Variants in CLN8 observed in about 807,000 individuals in gnomAD.
CLN8 encodes CLN8 transmembrane ER and ERGIC protein.
Under a neutral mutation model 15.7 loss-of-function variants are expected in CLN8, and 14 were observed. The ratio of observed to expected loss-of-function variants is 0.89; its 90% confidence interval spans 0.59 to 1.39. The LOEUF is 1.39. Ranked by LOEUF, CLN8 falls within the 40% of genes most tolerant of loss-of-function variation. The pLI is 0.00. For synonymous variants in CLN8, 188 were observed against 151.0 expected, an observed-to-expected ratio of 1.25 and a Z score of -1.80; for missense variants, 415 against 364.0, an observed-to-expected ratio of 1.14 and a Z score of -1.14.
upstream of CLN8, among the ~76,000 whole-genome samples, chr8:1,761,012 CTTTTTTTT>C (rs61327257): frequency 1.2e-4 from 8 of 67,562 alleles, no homozygotes; most frequent in Admixed American, 2.1e-4. Context: ...CTATAGCCAT[CTTTTTTTT>C]TTTTTTTTTT....
intron 1 of CLN8, among the ~76,000 whole-genome samples, chr8:1,756,415 C>T (rs1800670871): frequency 6.7e-6 from 1 of 148,884 alleles, no homozygotes; most frequent in Non-Finnish European, 1.5e-5. Flanking sequence ...ACTCAGGAGG[C>T]AGAGGTTGCA....
chr8:1,763,317 A>T (rs1169958753), upstream of CLN8: 2 of 62,354 alleles, frequency 3.2e-5, no homozygotes, highest in East Asian at 8.1e-4. Context: ...GCCGCCCGCC[A>T]TGGTTCAGCC....
At chr8:1,759,038 C>G (rs1169010449), upstream of CLN8, 1 of 152,166 alleles carries the variant, frequency 6.6e-6, no homozygotes, top group Non-Finnish European at 1.5e-5. Context: ...AGGGCCTGCT[C>G]TCTATCATGT....
chr8:1,771,739 C>A, intron 2 of CLN8, 142 bp downstream of exon 2: 1 of 771,748 alleles, frequency 1.3e-6, no homozygotes, highest in Non-Finnish European at 2.2e-6. Flanking sequence ...TAGTTGAATG[C>A]AATATTCTGG....
chr8:1,760,264 T>G (rs575040619), upstream of CLN8: 1 of 152,198 alleles, frequency 6.6e-6, no homozygotes, highest in Non-Finnish European at 1.5e-5. Context: ...TCAAAGTGCT[T>G]AGCCTGACGC....
intron 1 of CLN8, among the ~76,000 whole-genome samples, chr8:1,766,756 C>G (rs1378973000): frequency 1.3e-5 from 2 of 152,200 alleles, no homozygotes; most frequent in Non-Finnish European, 2.9e-5. Context: ...CACTTAAGGA[C>G]TCCTTCATGT....
chr8:1,772,614 C>T (rs1478995501), intron 2 of CLN8, among the ~76,000 whole-genome samples: 5 of 151,578 alleles, frequency 3.3e-5, no homozygotes, highest in Admixed American at 6.6e-5. Flanking sequence ...CCCACCACCA[C>T]GCCTAGCTAA....
rs186663008 is a variant in CLN8 at position 1,775,865 on chromosome 8, G to C, written c.543+4268G>C. Among the ~76,000 whole-genome samples, 95 of 152,358 alleles carry C rather than the reference G, an allele frequency of 6.2e-4. 1 individual carries two copies. The East Asian group carries it at 0.014, about 23-fold the overall frequency. ...CTCTTGAGGAGCAATGAGCACTCTT[G>C]CAGGCCCTGTGCCAGGTGCCGGGTC... On this transcript the variant is annotated intron_variant, in intron 2 of 2. Coordinates refer to ENST00000331222, the MANE Select transcript of CLN8 (RefSeq NM_018941.4).
rs140202921 is a variant in CLN8 at position 1,776,031 on chromosome 8, G to A, written c.544-4219G>A. On this transcript the variant is annotated intron_variant, in intron 2 of 2. Coordinates refer to ENST00000331222, the MANE Select transcript of CLN8 (RefSeq NM_018941.4). The stretch of plus-strand genomic sequence containing the variant: ...TGTGTGGTGGTGCTCCAGCACACAC[G>A]ATAGAAGATTCTGCAAGCTGAGTCT... Among the ~76,000 whole-genome samples, 405 of 151,632 alleles carry A rather than the reference G, an allele frequency of 2.7e-3. 1 individual carries two copies. The highest frequency in any genetic ancestry group is 0.024 in the Middle Eastern group (7 of 290).
At chr8:1,753,347 G>T (rs966103383), upstream of CLN8, among the ~76,000 whole-genome samples, 1 of 152,074 alleles carries the variant, frequency 6.6e-6, no homozygotes, top group Non-Finnish European at 1.5e-5. Flanking sequence ...GAGGTGGGCA[G>T]ATCACCTGAG....
rs1801752718 is a variant in CLN8, at chr8:1,783,318, G to A, written c.*2751G>A. On this transcript the variant is annotated 3_prime_UTR_variant, in exon 3 of 3. Coordinates refer to ENST00000331222, the MANE Select transcript of CLN8 (RefSeq NM_018941.4). ...AGAGTTACAGCAAGTGTTAAACGAG[G>A]TGAGTTCACATAACAGGAATTCTGG... The A allele has an allele frequency of 6.6e-6, 1 of 152,258 alleles. No individual in the cohort carries two copies. Among genetic ancestry groups the A allele is most frequent in the South Asian group, 2.1e-4 (1 of 4,832 alleles). 9.4% of individuals were successfully genotyped at this position (152,258 alleles called of 1,614,324 possible).
intron 2 of CLN8, among the ~76,000 whole-genome samples, chr8:1,777,453 A>G (rs1020480969): frequency 2.0e-5 from 3 of 152,184 alleles, no homozygotes; most frequent in South Asian, 2.1e-4. Context: ...TTCTTTAATC[A>G]TAAAGTAACC....
In CLN8 at chr8:1,771,318, C is replaced by T. The variant is rs1801293988; in HGVS notation, c.264C>T (p.Asp88=). ...CAGGCCTGTGGGCTCTGCTGGGGGA[C>T]CCTGTGCTGCATGCCGACAAGGCGC... ...TAAGLWALLG[D]PVLHADKARG... The change falls in exon 2 of 3, where the codon GAC becomes GAT. Residue 88 remains aspartate, a synonymous_variant. Coordinates refer to ENST00000331222, the MANE Select transcript of CLN8 (RefSeq NM_018941.4). 3 of 1,614,032 alleles carry T rather than the reference C, an allele frequency of 1.9e-6. No individual in the cohort carries two copies. The highest frequency in any genetic ancestry group is 1.3e-5 in the African/African-American group (1 of 74,912).
chr8:1,755,197 A>C (rs1004525380), upstream of CLN8, among the ~76,000 whole-genome samples: 3 of 152,204 alleles, frequency 2.0e-5, no homozygotes, highest in Non-Finnish European at 4.4e-5. Flanking sequence ...AAGTTGGTGA[A>C]ATGACACGGG....
chr8:1,767,263 C>A (rs997613672), intron 1 of CLN8, among the ~76,000 whole-genome samples: 1 of 152,196 alleles, frequency 6.6e-6, no homozygotes, highest in Non-Finnish European at 1.5e-5. Context: ...GGATTCACTA[C>A]AGGACTGGAA....
upstream of CLN8, among the ~76,000 whole-genome samples, chr8:1,754,109 A>C (rs557123802): frequency 1.2e-4 from 19 of 152,238 alleles, 1 homozygote; most frequent in South Asian, 3.9e-3. Context: ...AAAAATTGCA[A>C]GTTAGCTCCC....
intron 1 of CLN8, among the ~76,000 whole-genome samples, chr8:1,767,238 A>G (rs1210946933): frequency 6.6e-6 from 1 of 152,208 alleles, no homozygotes; most frequent in Admixed American, 6.5e-5. Flanking sequence ...GGTTTGAGCA[A>G]AGAATCAGAA....
intron 1 of CLN8, 26 bp from the exon 2 acceptor site, chr8:1,770,906 C>A: frequency 1.4e-6 from 1 of 733,226 alleles, no homozygotes; most frequent in Non-Finnish European, 2.4e-6. Context: ...ATCGAGTCAA[C>A]ACAAAATGAA....
chr8:1,762,874 A>C (rs1361331353), upstream of CLN8: 3 of 152,206 alleles, frequency 2.0e-5, no homozygotes, highest in African/African-American at 7.2e-5. Context: ...CGGTTCTTTC[A>C]AGGAACGTGT....
Sources: gnomAD v4.1 joint callset for allele counts (sites outside exome capture counted in the v4.1 genomes callset) on GRCh38, gnomAD v4.1.1 for gene constraint, MANE v1.5 for transcripts, NCBI Gene and HGNC (gene_info 2026-07-23, HGNC 2026-07-21) for gene names.